The following MAPKAP1 variants were observed in gnomAD, a reference collection of about 807,000 sequenced individuals.
MAPKAP1 encodes the protein target of rapamycin complex 2 subunit MAPKAP1.
A neutral mutation model predicts 65.7 loss-of-function variants in MAPKAP1; 20 were observed. The ratio of observed to expected loss-of-function variants is 0.30; its 90% CI spans 0.21 to 0.44. MAPKAP1 has a LOEUF of 0.44. MAPKAP1 is among the 20% of genes least tolerant of loss of function. The pLI is 1.00. For missense variants in MAPKAP1, 423 were observed against 648.0 expected, an observed-to-expected ratio of 0.65 and a Z score of 3.77; for synonymous variants, 222 against 244.3, an observed-to-expected ratio of 0.91 and a Z score of 0.85.
intron 4 of MAPKAP1, among the ~76,000 whole-genome samples, chr9:125,639,013 C>T (rs533527487): frequency 2.6e-5 from 4 of 152,174 alleles, no homozygotes; most frequent in African/African-American, 7.2e-5. Flanking sequence ...CTGAGACGGG[C>T]GGACCACCTG....
intron 7 of MAPKAP1, chr9:125,521,536 T>G: frequency 1.5e-6 from 2 of 1,354,942 alleles, no homozygotes; most frequent in Non-Finnish European, 1.9e-6. Flanking sequence ...AGTGGGGTAA[T>G]GCATTCAAAT....
intron 4 of MAPKAP1, among the ~76,000 whole-genome samples, chr9:125,600,474 C>CA (rs905599990): frequency 6.6e-6 from 1 of 152,166 alleles, no homozygotes; most frequent in African/African-American, 2.4e-5. Context: ...CCATCTACTT[C>CA]AAAAGATTAT....
chr9:125,537,572 C>T (rs530972439), intron 7 of MAPKAP1, among the ~76,000 whole-genome samples: 19 of 152,304 alleles, frequency 1.2e-4, no homozygotes, highest in African/African-American at 3.8e-4. Context: ...GCCTTGACCT[C>T]CTGGGTTTAA....
chr9:125,444,686 G>C (rs1180353767), intron 10 of MAPKAP1, 88 bp from the exon 11 acceptor site: 1 of 889,216 alleles, frequency 1.1e-6, no homozygotes, highest in Admixed American at 2.3e-5. Context: ...ATTCCAATTC[G>C]AGCGAGAGCA....
intron 8 of MAPKAP1, among the ~76,000 whole-genome samples, chr9:125,487,934 T>G (rs1335086782): frequency 6.6e-6 from 1 of 152,212 alleles, no homozygotes; most frequent in African/African-American, 2.4e-5. Flanking sequence ...TGTGGGAGAT[T>G]AATGAAAACT....
At chr9:125,444,664 T>G in intron 10 of MAPKAP1, 66 bp from the exon 11 acceptor site, 2 of 1,077,758 alleles carry the variant, frequency 1.9e-6, no homozygotes, top group South Asian at 1.4e-5. Flanking sequence ...CCTCCATATG[T>G]TCTCCCCTAT....
chr9:125,486,837 C>G (rs1468286602), intron 8 of MAPKAP1, among the ~76,000 whole-genome samples: 2 of 152,136 alleles, frequency 1.3e-5, no homozygotes, highest in Admixed American at 1.3e-4. Flanking sequence ...TGTTTTCCTA[C>G]TGAAGAGCAG....
At chr9:125,593,497 A>C (rs958248522) in intron 4 of MAPKAP1, among the ~76,000 whole-genome samples, 2 of 152,038 alleles carry the variant, frequency 1.3e-5, no homozygotes, top group Admixed American at 1.3e-4. Flanking sequence ...CCCCGTCTCT[A>C]CTGAAATACA....
chr9:125,590,905 C>G (rs987397440), intron 4 of MAPKAP1, among the ~76,000 whole-genome samples: 2 of 152,068 alleles, frequency 1.3e-5, no homozygotes, highest in Admixed American at 6.6e-5. Flanking sequence ...ACCCAAATAG[C>G]TGAGATTGCA....
chr9:125,660,941 C>G (rs1179938040), intron 3 of MAPKAP1, among the ~76,000 whole-genome samples: 1 of 152,036 alleles, frequency 6.6e-6, no homozygotes, highest in African/African-American at 2.4e-5. Flanking sequence ...AAAGAAAACA[C>G]TTCTGTATGG....
intron 4 of MAPKAP1, among the ~76,000 whole-genome samples, chr9:125,633,250 G>A (rs1339730092): frequency 1.3e-5 from 2 of 152,194 alleles, no homozygotes; most frequent in African/African-American, 2.4e-5. Flanking sequence ...CCAAATCTAA[G>A]TGTGAGTAAC....
intron 1 of MAPKAP1, among the ~76,000 whole-genome samples, chr9:125,680,301 C>G (rs1245060453): frequency 6.6e-6 from 1 of 152,046 alleles, no homozygotes; most frequent in Non-Finnish European, 1.5e-5. Context: ...CCAACAGACC[C>G]TCTTTTTTTA....
intron 3 of MAPKAP1, among the ~76,000 whole-genome samples, chr9:125,668,118 A>G (rs1177766166): frequency 2.6e-5 from 4 of 152,360 alleles, no homozygotes; most frequent in Admixed American, 2.0e-4. Context: ...GAAGAAAATC[A>G]TACCTGCTAA....
intron 1 of MAPKAP1, among the ~76,000 whole-genome samples, chr9:125,697,516 T>A (rs1835421689): frequency 6.6e-6 from 1 of 152,228 alleles, no homozygotes; most frequent in African/African-American, 2.4e-5. Context: ...TATTAGTATG[T>A]CACTAAAATT....
At chr9:125,440,359 C>A (rs957926624) in intron 11 of MAPKAP1, among the ~76,000 whole-genome samples, 4 of 152,260 alleles carry the variant, frequency 2.6e-5, no homozygotes, top group African/African-American at 9.6e-5. Flanking sequence ...GCAAACACCC[C>A]TTCCTGCTCC....
At chr9:125,659,387 C>G (rs548711249) in intron 3 of MAPKAP1, among the ~76,000 whole-genome samples, 1 of 152,132 alleles carries the variant, frequency 6.6e-6, no homozygotes, top group Admixed American at 6.5e-5. Flanking sequence ...TATGATTAAC[C>G]CTTTCATTCT....
chr9:125,499,863 C>A (rs1326482637), intron 8 of MAPKAP1, among the ~76,000 whole-genome samples: 1 of 151,902 alleles, frequency 6.6e-6, no homozygotes, highest in South Asian at 2.1e-4. Flanking sequence ...AGTGTGTGCC[C>A]GTAATCATGG....
At chr9:125,692,982 C>T (rs1835213821) in intron 1 of MAPKAP1, among the ~76,000 whole-genome samples, 1 of 152,104 alleles carries the variant, frequency 6.6e-6, no homozygotes, top group South Asian at 2.1e-4. Flanking sequence ...ATCCTAGTAC[C>T]AGAAATCCCA....
chr9:125,667,468 C>G (rs1834373094), intron 3 of MAPKAP1, among the ~76,000 whole-genome samples: 1 of 129,428 alleles, frequency 7.7e-6, no homozygotes, highest in Non-Finnish European at 1.7e-5. Flanking sequence ...TACAGGCGCA[C>G]ACCACCATGC....
Sources: allele counts gnomAD v4.1 joint callset (sites outside exome capture counted in the v4.1 genomes callset), GRCh38; gene constraint gnomAD v4.1.1; transcripts MANE v1.5; gene names NCBI Gene and HGNC (gene_info 2026-07-23, HGNC 2026-07-21).